Variants in CTDSP1 observed in about 807,000 individuals in gnomAD.
The protein encoded by CTDSP1 is carboxy-terminal domain RNA polymerase II polypeptide A small phosphatase 1.
Under a neutral mutation model 32.5 loss-of-function variants are expected in CTDSP1, and 15 were observed. The ratio of observed to expected loss-of-function variants is 0.46; its 90% CI spans 0.31 to 0.71. CTDSP1 has a LOEUF of 0.71. Among genes scored for constraint, CTDSP1 ranks in the 30% least tolerant of loss-of-function variants. CTDSP1 has a pLI of 0.05. For synonymous variants in CTDSP1, 185 were observed against 145.4 expected (o/e 1.27, Z -1.96); for missense variants, 294 against 351.1 (o/e 0.84, Z 1.30).
chr2:218,401,455 A>G, intron 1 of CTDSP1, 109 bp from the exon 2 acceptor site: 1 of 1,297,224 alleles, frequency 7.7e-7, no homozygotes, highest in Non-Finnish European at 1.1e-6. Flanking sequence ...GTCTGGATGA[A>G]GGGGCCACGG....
At chr2:218,398,447 A>C, upstream of CTDSP1, 1 of 1,533,580 alleles carries the variant, frequency 6.5e-7, no homozygotes, top group Non-Finnish European at 8.7e-7. Context: ...CAGGAGCAGG[A>C]GGAGGGCCGA....
rs1480137478 is a variant in CTDSP1 at position 218,405,091 on chromosome 2, A to ACTT, written c.*669_*671dup. The ACTT allele has an allele frequency of 1.3e-5, 2 of 152,850 alleles. No individual in the cohort carries two copies. The highest frequency in any genetic ancestry group is 4.8e-5 in the African/African-American group (2 of 41,438). The allele number at this position is 152,850 out of a possible 1,614,324, so 9.5% of individuals were successfully genotyped here. On this transcript the variant is annotated 3_prime_UTR_variant, in exon 7 of 7. Transcript: ENST00000273062. ...TGCATCATCCAAGCAATGACCTCAG[A>ACTT]CTTCTGCCTTAACCAGCCCCGGGGC... is the stretch of plus-strand genomic sequence containing the variant.
rs1574795914 is a variant in CTDSP1, at chr2:218,401,306, C to T, written c.68-258C>T. ...CAGGGAGAGAGCACCCCAGGACCTC[C>T]TTCTCCAGGCCACGCACTCCCTATG... On this transcript the variant is annotated intron_variant, in intron 1 of 6. Coordinates refer to ENST00000273062, the MANE Select transcript of CTDSP1 (RefSeq NM_021198.3). The T allele has an allele frequency of 1.5e-5, 8 of 549,610 alleles. No individual in the cohort carries two copies. In the East Asian group the frequency reaches 2.2e-4, roughly 15 times the overall value. 34.0% of individuals were successfully genotyped at this position (549,610 alleles called of 1,614,324 possible).
At chr2:218,396,517 C>G (rs763172778), upstream of CTDSP1, 1 of 152,436 alleles carries the variant, frequency 6.6e-6, no homozygotes, top group African/African-American at 2.4e-5. Flanking sequence ...GCGCTCAGGT[C>G]CGGACGCTTG....
chr2:218,402,826 C>A (rs574679237), intron 4 of CTDSP1: 18 of 681,508 alleles, frequency 2.6e-5, no homozygotes, highest in Non-Finnish European at 4.4e-5. Context: ...TGAGGTAGGA[C>A]TGGCCAGTGG....
At position 218,399,980 on chromosome 2, in the gene CTDSP1, T is replaced by TGCCAC; in HGVS notation, c.-111_-110insGCCAC. ...CCCTCCCCTCCGGAGCTCGCGGGGA[T>TGCCAC]CCCTCCCTCCCACCCCTCCCCTCCC... is the stretch of plus-strand genomic sequence containing the variant. On this transcript the variant is annotated 5_prime_UTR_variant, in exon 1 of 7. The change creates a new upstream start codon in the 5' untranslated region. Transcript: ENST00000273062. 1.1e-6 allele frequency: 1 copy of TGCCAC among 946,506 alleles called. No homozygotes were observed. Among genetic ancestry groups the TGCCAC allele is most frequent in the Non-Finnish European group, 1.3e-6 (1 of 770,560 alleles). The allele number at this position is 946,506 out of a possible 1,614,324, so 58.6% of individuals were successfully genotyped here. A position where few individuals can be genotyped will look rare whatever the true frequency, so the allele number is the denominator to read the frequency against.
Position 218,401,715 on chromosome 2 carries a change from G to C in CTDSP1, c.216+3G>C. 6.4e-7 allele frequency: 1 copy of C among 1,563,730 alleles called. No individual in the cohort carries two copies. Among genetic ancestry groups the C allele is most frequent in the Non-Finnish European group, 8.7e-7 (1 of 1,154,896 alleles). The stretch of plus-strand genomic sequence containing the variant: ...AGGAGAATGGCGCCATCCCTAAGGT[G>C]CGTGGGGGCCAGGTGGGGCCACGGG... On this transcript the variant is annotated splice_donor_region_variant and intron_variant, in intron 2 of 6. Coordinates refer to ENST00000273062, the MANE Select transcript of CTDSP1 (RefSeq NM_021198.3).
At chr2:218,399,104 C>T (rs1696965430), upstream of CTDSP1, 1 of 152,250 alleles carries the variant, frequency 6.6e-6, no homozygotes, top group South Asian at 2.1e-4. Flanking sequence ...TGGGAAGGCC[C>T]CTGGAGAAGG....
In CTDSP1 at chr2:218,400,171, G is replaced by A. The variant is rs1209894224; in HGVS notation, c.67+14G>A. ...TGCGGGGCAAAGGTACCGGGGCTGC[G>A]GGGAGGGGGCCGAAGCCGGGGCGCC... On this transcript the variant is annotated intron_variant, in intron 1 of 6. Transcript: ENST00000273062. 14 of 1,540,472 alleles carry A rather than the reference G, an allele frequency of 9.1e-6. No individual in the cohort carries two copies. Among genetic ancestry groups the A allele is most frequent in the East Asian group, 2.5e-5 (1 of 40,732 alleles).
At chr2:218,402,450 A>G (rs760572605) in intron 4 of CTDSP1, 45 bp downstream of exon 4, 2 of 1,572,466 alleles carry the variant, frequency 1.3e-6, no homozygotes, top group Non-Finnish European at 1.7e-6. Context: ...ATCTGCCTCC[A>G]GACCCTAGGC....
chr2:218,404,431 G>C lies in CTDSP1; in HGVS notation c.*6G>C. 6.2e-7 allele frequency: 1 copy of C among 1,613,940 alleles called. No homozygotes were observed. The highest frequency in any genetic ancestry group is 8.5e-7 in the Non-Finnish European group (1 of 1,179,948). ...AGCCACGGCCAGGGAGCTAGTGAGG[G>C]TGATGGGGCCAGGACCTGCCCCTGA... On this transcript the variant is annotated 3_prime_UTR_variant, in exon 7 of 7. Transcript: ENST00000273062.
chr2:218,398,386 G>C, upstream of CTDSP1: 1 of 1,533,892 alleles, frequency 6.5e-7, no homozygotes, highest in East Asian at 2.4e-5. Flanking sequence ...CGCCAGCAGC[G>C]TGTGGCGATC....
chr2:218,398,377 G>A (rs891196983), upstream of CTDSP1: 28 of 1,532,850 alleles, frequency 1.8e-5, no homozygotes, highest in African/African-American at 4.1e-5. Context: ...CTAGGAAAAC[G>A]CCAGCAGCGT....
At chr2:218,398,499 C>T, upstream of CTDSP1, 1 of 1,438,878 alleles carries the variant, frequency 6.9e-7, no homozygotes, top group Non-Finnish European at 9.2e-7. Context: ...CCCGACAGTC[C>T]CCTCCCGCCC....
chr2:218,397,523 A>AG (rs1245917646), upstream of CTDSP1, among the ~76,000 whole-genome samples: 10 of 152,156 alleles, frequency 6.6e-5, no homozygotes, highest in Admixed American at 6.5e-4. Context: ...GGGGAAACTG[A>AG]GGGACTGTGT....
chr2:218,400,976 G>T lies in CTDSP1; in HGVS notation c.68-588G>T, dbSNP rs746285211. The T allele has an allele frequency of 1.2e-3, 539 of 446,082 alleles. 12 individuals carry two copies. Among genetic ancestry groups the T allele is most frequent in the South Asian group, 8.3e-3 (528 of 63,884 alleles). 27.6% of individuals were successfully genotyped at this position (446,082 alleles called of 1,614,324 possible). On this transcript the variant is annotated intron_variant, in intron 1 of 6. Transcript: ENST00000273062. The stretch of plus-strand genomic sequence containing the variant: ...AAGGCTAGTTGCAGGGGGCCGGAGG[G>T]GGGTGGGGTGGGAGGGGTATCTGTC...
upstream of CTDSP1, among the ~76,000 whole-genome samples, chr2:218,397,074 G>A (rs1696834024): frequency 6.6e-6 from 1 of 152,140 alleles, no homozygotes; most frequent in Non-Finnish European, 1.5e-5. Context: ...CAGGAGCATG[G>A]GGGCACGTGT....
At position 218,405,713 on chromosome 2, in the gene CTDSP1, C is replaced by G. The variant is rs1559140078; in HGVS notation, c.*1288C>G. ...AGCCCCTCCTCCTAACATGGCGATTCCGGAGGTCAAGGCCTTGGGCTCTCC... is the reference window on the plus strand; with the variant it reads ...AGCCCCTCCTCCTAACATGGCGATTGCGGAGGTCAAGGCCTTGGGCTCTCC... On this transcript the variant is annotated 3_prime_UTR_variant, in exon 7 of 7. Transcript: ENST00000273062. 1 of 152,944 alleles carries G rather than the reference C, an allele frequency of 6.5e-6. No individual in the cohort carries two copies. The highest frequency in any genetic ancestry group is 6.5e-5 in the Admixed American group (1 of 15,290). 9.5% of individuals were successfully genotyped at this position (152,944 alleles called of 1,614,324 possible).
At chr2:218,401,034 G>C (rs1697109522) in intron 1 of CTDSP1, 2 of 424,446 alleles carry the variant, frequency 4.7e-6, no homozygotes, top group African/African-American at 4.0e-5. Flanking sequence ...TCGGAGGTCT[G>C]GGCGGGGCAG....
Sources: gnomAD v4.1 joint callset for allele counts (sites outside exome capture counted in the v4.1 genomes callset) on GRCh38, gnomAD v4.1.1 for gene constraint, MANE v1.5 for transcripts, NCBI Gene and HGNC (gene_info 2026-07-23, HGNC 2026-07-21) for gene names.